Variants in PALS2 observed in about 807,000 individuals in gnomAD.
The protein encoded by PALS2 is protein associated with LIN7 2, MAGUK p55 family member.
Under a neutral mutation model 61.6 loss-of-function variants are expected in PALS2, and 27 were observed. The observed-to-expected ratio is 0.44, with a 90% CI of 0.32 to 0.60. The LOEUF (loss-of-function observed/expected upper bound fraction) is 0.60. Among genes scored for constraint, PALS2 ranks in the 20% least tolerant of loss-of-function variants. PALS2 has a pLI of 0.05. For synonymous variants in PALS2, 236 were observed against 218.6 expected, an observed-to-expected ratio of 1.08 and a Z score of -0.70; for missense variants, 554 against 639.4, an observed-to-expected ratio of 0.87 and a Z score of 1.44.
In PALS2 at chr7:24,649,714, G is replaced by A. The variant is rs184689331; in HGVS notation, c.373G>A (p.Val125Ile). ...NSSINNQLLP[V>I]DAIRILGIHK... ...TTCTATCAATAATCAGTTATTACCA[G>A]TAGATGCCATTCGTATTCTTGGTAT... The change falls in exon 4 of 12, where the codon GTA becomes ATA. Residue 125 changes from valine to isoleucine, a missense_variant. Transcript: ENST00000222644. 4.3e-6 allele frequency: 7 copies of A among 1,610,858 alleles called. No homozygotes were observed. Among genetic ancestry groups the A allele is most frequent in the Admixed American group, 1.7e-5 (1 of 59,624 alleles).
chr7:24,683,976 AAC>A (rs1025942212), intron 11 of PALS2, among the ~76,000 whole-genome samples: 25 of 152,204 alleles, frequency 1.6e-4, no homozygotes, highest in African/African-American at 5.8e-4. Flanking sequence ...CTACAGTACA[AAC>A]ACAACATTCT....
chr7:24,624,076 A>G (rs1040522788), intron 2 of PALS2: 1 of 1,337,164 alleles, frequency 7.5e-7, no homozygotes, highest in Non-Finnish European at 9.9e-7. Context: ...TGTGAAAAAG[A>G]TCCTGATCCT....
intron 9 of PALS2, among the ~76,000 whole-genome samples, chr7:24,673,814 C>T (rs868806104): frequency 3.3e-5 from 5 of 151,738 alleles, no homozygotes; most frequent in African/African-American, 7.3e-5. Context: ...TTTCTTTCTA[C>T]TTGTACTTTG....
chr7:24,668,814 A>G (rs1787161917), intron 9 of PALS2, among the ~76,000 whole-genome samples, 154 bp downstream of exon 9: 1 of 152,230 alleles, frequency 6.6e-6, no homozygotes, highest in African/African-American at 2.4e-5. Context: ...TGAAAAATTT[A>G]GTAATTCTGT....
chr7:24,676,056 G>A (rs1787567696), intron 9 of PALS2, among the ~76,000 whole-genome samples: 1 of 147,964 alleles, frequency 6.8e-6, no homozygotes, highest in African/African-American at 2.5e-5. Context: ...AGCACCTGTT[G>A]TTTCCTGACT....
Position 24,688,152 on chromosome 7 carries a change from T to A in PALS2, c.*538T>A, listed in dbSNP as rs1478371621. 1.3e-5 allele frequency: 2 copies of A among 152,252 alleles called. No homozygotes were observed. Among genetic ancestry groups the A allele is most frequent in the African/African-American group, 4.8e-5 (2 of 41,468 alleles). 9.4% of individuals were successfully genotyped at this position (152,252 alleles called of 1,614,324 possible). On this transcript the variant is annotated 3_prime_UTR_variant, in exon 12 of 12. Coordinates refer to ENST00000222644, the MANE Select transcript of PALS2 (RefSeq NM_001303037.2). Reference sequence around the variant, plus strand: ...AGTCTACTACCATCTAAATCTGACATCAAAAGTCTGATCAGTTTACGTATT... The same window carrying A: ...AGTCTACTACCATCTAAATCTGACAACAAAAGTCTGATCAGTTTACGTATT...
At chr7:24,575,370 G>C (rs1782605502) in intron 1 of PALS2, among the ~76,000 whole-genome samples, 1 of 152,070 alleles carries the variant, frequency 6.6e-6, no homozygotes, top group Admixed American at 6.5e-5. Context: ...TAGGCCAACT[G>C]TTGGATTTTT....
intron 9 of PALS2, among the ~76,000 whole-genome samples, chr7:24,672,562 G>A (rs181711257): frequency 1.4e-4 from 22 of 152,132 alleles, no homozygotes; most frequent in African/African-American, 5.1e-4. Context: ...ATGTCTCTCT[G>A]TTTATTTAGG....
At chr7:24,606,885 AT>A (rs1256853586) in intron 1 of PALS2, among the ~76,000 whole-genome samples, 16 of 152,342 alleles carry the variant, frequency 1.1e-4, no homozygotes, top group African/African-American at 3.8e-4. Context: ...AAGTCTAAAC[AT>A]AAAATTCATT....
intron 1 of PALS2, among the ~76,000 whole-genome samples, chr7:24,615,677 T>G (rs1160524149): frequency 1.3e-5 from 2 of 151,832 alleles, no homozygotes; most frequent in African/African-American, 2.4e-5. Flanking sequence ...TTCCAAAAAT[T>G]GGAGGGGAGG....
At chr7:24,629,707 G>A (rs541956674) in intron 2 of PALS2, among the ~76,000 whole-genome samples, 87 of 152,142 alleles carry the variant, frequency 5.7e-4, no homozygotes, top group Admixed American at 1.3e-3. Flanking sequence ...CATTTATGCA[G>A]CCAGCAGACA....
At chr7:24,605,490 G>A (rs553204225) in intron 1 of PALS2, among the ~76,000 whole-genome samples, 34 of 151,958 alleles carry the variant, frequency 2.2e-4, no homozygotes, top group African/African-American at 8.0e-4. Flanking sequence ...TATAAATACA[G>A]TAACACATTA....
At chr7:24,635,399 T>C (rs1327028597) in intron 2 of PALS2, among the ~76,000 whole-genome samples, 1 of 152,242 alleles carries the variant, frequency 6.6e-6, no homozygotes, top group Non-Finnish European at 1.5e-5. Context: ...ATATTGATCT[T>C]ATATATCTTG....
In PALS2 at chr7:24,635,592, G is replaced by A. The variant is rs371618818; in HGVS notation, c.118-6124G>A. 9.9e-5 allele frequency among the ~76,000 whole-genome samples: 15 copies of A among 152,242 alleles called. 1 individual carries two copies. Among genetic ancestry groups the A allele is most frequent in the Admixed American group, 7.2e-4 (11 of 15,306 alleles). On this transcript the variant is annotated intron_variant, in intron 2 of 11. Coordinates refer to ENST00000222644, the MANE Select transcript of PALS2 (RefSeq NM_001303037.2). ...CCTCCAGTACAAATGTTAAATAGAA[G>A]TGATGAGAGTGGACATCTTTGTCTT...
chr7:24,658,718 A>G (rs1023054483), intron 5 of PALS2, among the ~76,000 whole-genome samples: 1 of 151,698 alleles, frequency 6.6e-6, no homozygotes, highest in Non-Finnish European at 1.5e-5. Context: ...CACCAGGCCA[A>G]GCTAATTTTT....
At chr7:24,661,808 G>C (rs1055586049) in intron 5 of PALS2, among the ~76,000 whole-genome samples, 11 of 152,066 alleles carry the variant, frequency 7.2e-5, no homozygotes, top group African/African-American at 2.7e-4. Flanking sequence ...TAAAAGTCTG[G>C]CTTTATTTAT....
At chr7:24,621,304 T>G (rs1784504762) in intron 1 of PALS2, among the ~76,000 whole-genome samples, 1 of 152,070 alleles carries the variant, frequency 6.6e-6, no homozygotes, top group Non-Finnish European at 1.5e-5. Flanking sequence ...TACAAGAGAA[T>G]GCTTTGTGAG....
chr7:24,615,204 T>C (rs1440408281), intron 1 of PALS2, among the ~76,000 whole-genome samples: 1 of 151,828 alleles, frequency 6.6e-6, no homozygotes, highest in African/African-American at 2.4e-5. Flanking sequence ...AGATTTCAAA[T>C]AACCTAATGA....
At chr7:24,680,360 A>C in intron 10 of PALS2, 32 bp from the exon 11 acceptor site, 3 of 1,587,758 alleles carry the variant, frequency 1.9e-6, no homozygotes, top group Non-Finnish European at 2.6e-6. Context: ...CTAATATTGT[A>C]TAAATTGGCT....
Sources: allele counts gnomAD v4.1 joint callset (sites outside exome capture counted in the v4.1 genomes callset), GRCh38; gene constraint gnomAD v4.1.1; transcripts MANE v1.5; gene names NCBI Gene and HGNC (gene_info 2026-07-23, HGNC 2026-07-21).